The following FAM168A variants were observed in gnomAD, a reference collection of about 807,000 sequenced individuals.
FAM168A encodes the protein family with sequence similarity 168 member A.
Under a neutral mutation model 28.5 loss-of-function variants are expected in FAM168A, and 3 were observed. That is an observed-to-expected ratio of 0.11 (90% confidence interval 0.05 to 0.27). The LOEUF (loss-of-function observed/expected upper bound fraction) is 0.27, where lower values mean the gene tolerates loss of function less well. Ranked by LOEUF, FAM168A falls within the 10% of genes least tolerant of loss-of-function variation. The pLI is 1.00. For synonymous variants in FAM168A, 122 were observed against 124.2 expected, an observed-to-expected ratio of 0.98 and a Z score of 0.12; for missense variants, 222 against 311.5, an observed-to-expected ratio of 0.71 and a Z score of 2.16.
chr11:73,543,233 C>T (rs1943679742), intron 1 of FAM168A, among the ~76,000 whole-genome samples: 2 of 149,116 alleles, frequency 1.3e-5, no homozygotes, highest in South Asian at 4.3e-4. Flanking sequence ...ATAATCAATA[C>T]TAGTAATCAA....
At chr11:73,443,692 A>G (rs1031398616) in intron 2 of FAM168A, among the ~76,000 whole-genome samples, 2 of 152,232 alleles carry the variant, frequency 1.3e-5, no homozygotes, top group African/African-American at 4.8e-5. Flanking sequence ...AGGCAGACCT[A>G]GGTTTAAATT....
intron 2 of FAM168A, among the ~76,000 whole-genome samples, chr11:73,464,987 A>G (rs1003097141): frequency 6.6e-6 from 1 of 151,810 alleles, no homozygotes; most frequent in African/African-American, 2.4e-5. Flanking sequence ...TGTATGTCCC[A>G]TGCTCTTTTC....
At chr11:73,525,997 A>C (rs1209935768) in intron 1 of FAM168A, among the ~76,000 whole-genome samples, 1 of 152,224 alleles carries the variant, frequency 6.6e-6, no homozygotes, top group Non-Finnish European at 1.5e-5. Flanking sequence ...TAGTGTTAAC[A>C]GGGGTAGTAG....
chr11:73,435,783 G>GA (rs1867077389), intron 2 of FAM168A, among the ~76,000 whole-genome samples: 1 of 152,108 alleles, frequency 6.6e-6, no homozygotes, highest in Non-Finnish European at 1.5e-5. Flanking sequence ...CTGAGTTCTT[G>GA]AAAAGACATA....
At chr11:73,493,125 T>C (rs1006481762) in intron 1 of FAM168A, among the ~76,000 whole-genome samples, 2 of 151,418 alleles carry the variant, frequency 1.3e-5, no homozygotes, top group African/African-American at 4.9e-5. Flanking sequence ...CAACATGCAA[T>C]GTATCCATGT....
intron 2 of FAM168A, among the ~76,000 whole-genome samples, chr11:73,458,701 C>T (rs1315466633): frequency 2.0e-5 from 3 of 152,094 alleles, no homozygotes; most frequent in Non-Finnish European, 4.4e-5. Flanking sequence ...ACCTCCGCCT[C>T]CCGGATTGAA....
At chr11:73,484,544 C>CTATATA (rs1401594033) in intron 1 of FAM168A, among the ~76,000 whole-genome samples, 2 of 134,084 alleles carry the variant, frequency 1.5e-5, no homozygotes, top group African/African-American at 6.2e-5. Context: ...ATCTATATAT[C>CTATATA]TATCTATATC....
intron 1 of FAM168A, among the ~76,000 whole-genome samples, chr11:73,581,079 C>G (rs1301659527): frequency 2.0e-5 from 3 of 152,212 alleles, no homozygotes; most frequent in Non-Finnish European, 4.4e-5. Context: ...AAGTCAGGGT[C>G]AGCTTATGAA....
At chr11:73,553,131 A>G (rs528561955) in intron 1 of FAM168A, among the ~76,000 whole-genome samples, 139 of 152,342 alleles carry the variant, frequency 9.1e-4, no homozygotes, top group African/African-American at 3.2e-3. Flanking sequence ...TACAGATAAT[A>G]AACAGAGTCC....
chr11:73,559,432 G>A lies in FAM168A; in HGVS notation c.-19+38491C>T, dbSNP rs138428205. Among the ~76,000 whole-genome samples the A allele has an allele frequency of 5.1e-3, 773 of 151,634 alleles. 10 individuals carry two copies. The highest frequency in any genetic ancestry group is 0.015 in the African/African-American group (605 of 41,300). ...CATACCACTGCACTCCAGCCTGAGC[G>A]ACAAGAGTGAAACTGTCTCAAAAAA... On this transcript the variant is annotated intron_variant, in intron 1 of 7. Transcript: ENST00000356467.
At chr11:73,524,569 T>A (rs1943426596) in intron 1 of FAM168A, among the ~76,000 whole-genome samples, 1 of 152,124 alleles carries the variant, frequency 6.6e-6, no homozygotes, top group South Asian at 2.1e-4. Context: ...TTTGATATTA[T>A]ATACATATAT....
rs113140682 is a variant in FAM168A at position 73,511,065 on chromosome 11, AG to A, written c.-18-42574del. Among the ~76,000 whole-genome samples the A allele has an allele frequency of 7.1e-3, 1,081 of 152,202 alleles. 14 individuals are homozygous for A. The highest frequency in any genetic ancestry group is 0.023 in the African/African-American group (946 of 41,518). Reference sequence around the variant, plus strand: ...CAAAAGGAACCTCGTGGCCCAGAAAAGGAAAGGTACCAGTCAGGAGCCTGGA... The same window carrying A: ...CAAAAGGAACCTCGTGGCCCAGAAAAGAAAGGTACCAGTCAGGAGCCTGGA... On this transcript the variant is annotated intron_variant, in intron 1 of 7. Coordinates refer to ENST00000356467, the MANE Select transcript of FAM168A (RefSeq NM_015159.3).
intron 1 of FAM168A, among the ~76,000 whole-genome samples, chr11:73,558,781 A>T (rs548031983): frequency 1.3e-5 from 2 of 152,282 alleles, no homozygotes; most frequent in East Asian, 1.9e-4. Flanking sequence ...TTTATTTTTT[A>T]AAAAAGAAGA....
chr11:73,591,160 C>T (rs1198860910), intron 1 of FAM168A, among the ~76,000 whole-genome samples: 1 of 152,014 alleles, frequency 6.6e-6, no homozygotes, highest in Non-Finnish European at 1.5e-5. Flanking sequence ...AAAAAGAAGA[C>T]TACTGATTTA....
intron 4 of FAM168A, among the ~76,000 whole-genome samples, chr11:73,414,593 C>T (rs962870822): frequency 1.3e-5 from 2 of 152,072 alleles, no homozygotes; most frequent in Non-Finnish European, 2.9e-5. Context: ...ATCAGTCTCG[C>T]GTGTGATATG....
chr11:73,428,252 T>C (rs1431204068), intron 3 of FAM168A, among the ~76,000 whole-genome samples: 1 of 152,132 alleles, frequency 6.6e-6, no homozygotes, highest in African/African-American at 2.4e-5. Flanking sequence ...CTCTGACTTG[T>C]CCTCTCCACT....
At position 73,512,014 on chromosome 11, in the gene FAM168A, CAG is replaced by C. The variant is rs1433554199; in HGVS notation, c.-18-43524_-18-43523del. Reference sequence around the variant, plus strand: ...CATGAGATTGCGAACAGCTTGCAAACAGGGGAAGTATTTTAATCCATATTTGA... The same window carrying C: ...CATGAGATTGCGAACAGCTTGCAAACGGGAAGTATTTTAATCCATATTTGA... On this transcript the variant is annotated intron_variant, in intron 1 of 7. Coordinates refer to ENST00000356467, the MANE Select transcript of FAM168A (RefSeq NM_015159.3). Among the ~76,000 whole-genome samples, 15 of 152,242 alleles carry C rather than the reference CAG, an allele frequency of 9.9e-5. No individual in the cohort carries two copies. In the East Asian group the frequency reaches 1.9e-3, roughly 20 times the overall value.
rs557826228 is a variant in FAM168A at position 73,486,657 on chromosome 11, T to C, written c.-18-18165A>G. ...GCTCACTGTAGAATTTTTCCCCTCCTGTGCCACTGAGATTTCCAGATTGAT... is the reference window on the plus strand; with the variant it reads ...GCTCACTGTAGAATTTTTCCCCTCCCGTGCCACTGAGATTTCCAGATTGAT... On this transcript the variant is annotated intron_variant, in intron 1 of 7. Transcript: ENST00000356467. Among the ~76,000 whole-genome samples, 37 of 152,360 alleles carry C rather than the reference T, an allele frequency of 2.4e-4. 1 individual carries two copies. The South Asian group carries it at 6.4e-3, about 26-fold the overall frequency.
chr11:73,506,382 G>T (rs959877562), intron 1 of FAM168A, among the ~76,000 whole-genome samples: 3 of 151,524 alleles, frequency 2.0e-5, no homozygotes, highest in East Asian at 3.9e-4. Flanking sequence ...TGGTACTTAT[G>T]TGAAATAAGG....
Sources: gnomAD v4.1 joint callset for allele counts (sites outside exome capture counted in the v4.1 genomes callset) on GRCh38, gnomAD v4.1.1 for gene constraint, MANE v1.5 for transcripts, NCBI Gene and HGNC (gene_info 2026-07-23, HGNC 2026-07-21) for gene names.